Variants in MRTFA observed in about 807,000 individuals in gnomAD.
MRTFA encodes myocardin-related transcription factor A.
Under a neutral mutation model 83.5 loss-of-function variants are expected in MRTFA, and 20 were observed. The observed-to-expected ratio is 0.24, with a 90% confidence interval of 0.17 to 0.35. The LOEUF (loss-of-function observed/expected upper bound fraction) is 0.35, where lower values mean the gene tolerates loss of function less well. MRTFA is among the 10% of genes least tolerant of loss of function. The pLI is 1.00. For missense variants in MRTFA, 1,200 were observed against 1,224.7 expected (o/e 0.98, Z 0.30); for synonymous variants, 659 against 541.2 (o/e 1.22, Z -3.02).
chr22:40,476,775 T>G (rs572221203), intron 3 of MRTFA, among the ~76,000 whole-genome samples: 1 of 152,236 alleles, frequency 6.6e-6, no homozygotes, highest in Admixed American at 6.5e-5. Flanking sequence ...TCTTGTCCTT[T>G]TCATGATAAT....
chr22:40,459,862 T>TATATATATATACAC (rs796103400), intron 4 of MRTFA, among the ~76,000 whole-genome samples: 76 of 121,480 alleles, frequency 6.3e-4, no homozygotes, highest in Middle Eastern at 8.4e-3. Flanking sequence ...TATATATATA[T>TATATATATATACAC]ACACACATGA....
intron 3 of MRTFA, among the ~76,000 whole-genome samples, chr22:40,507,767 A>AG (rs2054602642): frequency 6.6e-6 from 1 of 152,100 alleles, no homozygotes; most frequent in Non-Finnish European, 1.5e-5. Context: ...ATTAGAGACC[A>AG]GCCTGACCAA....
intron 5 of MRTFA, among the ~76,000 whole-genome samples, chr22:40,435,032 C>A (rs1425699200): frequency 6.6e-6 from 1 of 151,416 alleles, no homozygotes; most frequent in Non-Finnish European, 1.5e-5. Flanking sequence ...CTACTCTGGG[C>A]AGATGGAGAC....
At chr22:40,536,120 A>T (rs370432962) in intron 3 of MRTFA, among the ~76,000 whole-genome samples, 18 of 150,424 alleles carry the variant, frequency 1.2e-4, no homozygotes, top group African/African-American at 4.4e-4. Flanking sequence ...GCAAGACCCC[A>T]TCTCTACCAA....
At chr22:40,470,992 AAT>A (rs1414569282) in intron 3 of MRTFA, among the ~76,000 whole-genome samples, 4 of 152,016 alleles carry the variant, frequency 2.6e-5, no homozygotes, top group Non-Finnish European at 4.4e-5. Flanking sequence ...AGAGAAAATC[AAT>A]AGTCATAAAA....
intron 4 of MRTFA, among the ~76,000 whole-genome samples, chr22:40,455,367 C>A (rs2053563362): frequency 6.6e-6 from 1 of 152,104 alleles, no homozygotes; most frequent in Non-Finnish European, 1.5e-5. Context: ...CCCATGGCGG[C>A]CGGGTGCGGT....
At chr22:40,424,532 T>C (rs1188577859) in intron 7 of MRTFA, 151 bp from the exon 8 acceptor site, 3 of 829,558 alleles carry the variant, frequency 3.6e-6, no homozygotes, top group East Asian at 5.5e-5. Flanking sequence ...GCAGCCAATC[T>C]GCTTTCTTGG....
At chr22:40,600,592 T>C (rs1486756700) in intron 1 of MRTFA, among the ~76,000 whole-genome samples, 1 of 152,198 alleles carries the variant, frequency 6.6e-6, no homozygotes, top group Non-Finnish European at 1.5e-5. Flanking sequence ...AAGGCCTATG[T>C]AGCCTGCTGG....
At chr22:40,551,360 ATTAT>A (rs1329675479) in intron 3 of MRTFA, among the ~76,000 whole-genome samples, 2 of 152,078 alleles carry the variant, frequency 1.3e-5, no homozygotes, top group Middle Eastern at 3.4e-3. Context: ...TCACTTATTT[ATTAT>A]TTGTTTGTTT....
At chr22:40,455,663 A>C (rs1019775235) in intron 4 of MRTFA, among the ~76,000 whole-genome samples, 32 of 124,434 alleles carry the variant, frequency 2.6e-4, no homozygotes, top group African/African-American at 8.3e-4. Context: ...AAAAAAAAAA[A>C]ACATATGGAG....
intron 3 of MRTFA, among the ~76,000 whole-genome samples, chr22:40,487,251 T>C (rs2054188673): frequency 6.6e-6 from 1 of 152,250 alleles, no homozygotes; most frequent in Admixed American, 6.5e-5. Context: ...TAAATATTTA[T>C]AAGTAATCAC....
intron 1 of MRTFA, among the ~76,000 whole-genome samples, chr22:40,625,090 G>T (rs757431474): frequency 4.6e-5 from 7 of 152,028 alleles, no homozygotes; most frequent in Non-Finnish European, 7.4e-5. Context: ...TATGTTCTTG[G>T]TTCCCTGTTC....
chr22:40,447,254 G>A (rs1470668393), intron 4 of MRTFA, among the ~76,000 whole-genome samples: 1 of 151,792 alleles, frequency 6.6e-6, no homozygotes, highest in East Asian at 1.9e-4. Context: ...TGGGGGAGCC[G>A]AGGCAGGAGG....
intron 1 of MRTFA, among the ~76,000 whole-genome samples, chr22:40,627,129 A>T (rs1296721084): frequency 6.6e-6 from 1 of 152,144 alleles, no homozygotes; most frequent in East Asian, 1.9e-4. Context: ...AAATGTGGAT[A>T]TTACAGTATG....
intron 3 of MRTFA, chr22:40,533,501 A>C (rs2055117451): frequency 1.4e-6 from 1 of 725,160 alleles, no homozygotes; most frequent in Admixed American, 4.3e-5. Flanking sequence ...TAGTACAAAT[A>C]TGACCCATTT....
intron 3 of MRTFA, among the ~76,000 whole-genome samples, chr22:40,504,510 T>C (rs1319424358): frequency 6.6e-6 from 1 of 152,202 alleles, no homozygotes; most frequent in Non-Finnish European, 1.5e-5. Context: ...CTTTTCTGAT[T>C]AATAAAACCA....
chr22:40,436,744 T>G (rs2053177516), intron 4 of MRTFA, among the ~76,000 whole-genome samples: 1 of 152,202 alleles, frequency 6.6e-6, no homozygotes, highest in Non-Finnish European at 1.5e-5. Flanking sequence ...GAGAGAAATT[T>G]ATAAGACTGT....
chr22:40,587,899 TG>T, intron 2 of MRTFA: 1 of 420,688 alleles, frequency 2.4e-6, no homozygotes, highest in Middle Eastern at 7.4e-4. Context: ...TCACAATATC[TG>T]GTGGAATGGG....
chr22:40,509,092 ATTGT>A (rs2054627712), intron 3 of MRTFA, among the ~76,000 whole-genome samples: 1 of 152,198 alleles, frequency 6.6e-6, no homozygotes, highest in Non-Finnish European at 1.5e-5. Flanking sequence ...GCTGCCACAA[ATTGT>A]TTAACTATAC....
Sources: gnomAD v4.1 joint callset for allele counts (sites outside exome capture counted in the v4.1 genomes callset) on GRCh38, gnomAD v4.1.1 for gene constraint, MANE v1.5 for transcripts, NCBI Gene and HGNC (gene_info 2026-07-23, HGNC 2026-07-21) for gene names.